The following KHDRBS2 variants were observed in gnomAD, a reference collection of about 807,000 sequenced individuals.
The protein encoded by KHDRBS2 is KH RNA binding domain containing, signal transduction associated 2.
A neutral mutation model predicts 44.3 loss-of-function variants in KHDRBS2; 26 were observed. That is an observed-to-expected ratio of 0.59 (90% CI 0.43 to 0.81). The LOEUF is 0.81. Ranked by LOEUF, KHDRBS2 falls within the 40% of genes least tolerant of loss-of-function variation. The pLI is 0.00. For synonymous variants in KHDRBS2, 194 were observed against 151.1 expected (o/e 1.28, Z -2.08); for missense variants, 476 against 433.1 (o/e 1.10, Z -0.88).
At position 62,250,614 on chromosome 6, in the gene KHDRBS2, G is replaced by A. The variant is rs181261673; in HGVS notation, c.91+35244C>T. ...AAATGTTGAAGGCTGGCTGGTATAT[G>A]TGGAGGGAGTGCTGTAGTTGGAAAA... On this transcript the variant is annotated intron_variant, in intron 1 of 8. Coordinates refer to ENST00000281156, the MANE Select transcript of KHDRBS2 (RefSeq NM_152688.4). Among the ~76,000 whole-genome samples, 226 of 152,068 alleles carry A rather than the reference G, an allele frequency of 1.5e-3. 1 individual carries two copies. Among genetic ancestry groups the A allele is most frequent in the African/African-American group, 5.3e-3 (219 of 41,518 alleles).
At chr6:61,563,786 C>G in the KHDRBS2 span, among the ~76,000 whole-genome samples, 3 of 152,152 alleles carry the variant, frequency 2.0e-5, no homozygotes, top group East Asian at 3.9e-4. Context: ...GTACATTATA[C>G]AGCGACGTTA....
At chr6:61,895,640 T>C (rs1381620797) in intron 5 of KHDRBS2, among the ~76,000 whole-genome samples, 2 of 152,210 alleles carry the variant, frequency 1.3e-5, no homozygotes, top group African/African-American at 4.8e-5. Context: ...TTTTATGGCA[T>C]TTTGAAGCCT....
At chr6:62,264,103 C>A (rs34540100) in intron 1 of KHDRBS2, among the ~76,000 whole-genome samples, 3,848 of 151,558 alleles carry the variant, frequency 0.025, 66 homozygotes, top group Middle Eastern at 0.051. Context: ...GGGTATACAG[C>A]CAAATACACA....
intron 4 of KHDRBS2, among the ~76,000 whole-genome samples, chr6:61,963,179 G>A (rs1383250428): frequency 6.6e-6 from 1 of 151,928 alleles, no homozygotes; most frequent in East Asian, 1.9e-4. Context: ...TGTTACCTGA[G>A]GCTATGTTCT....
At chr6:62,071,361 C>A (rs1034670706) in intron 2 of KHDRBS2, among the ~76,000 whole-genome samples, 29 of 151,916 alleles carry the variant, frequency 1.9e-4, no homozygotes, top group African/African-American at 6.5e-4. Flanking sequence ...TCCATTTGTC[C>A]ATTTTGGCTT....
intron 6 of KHDRBS2, among the ~76,000 whole-genome samples, chr6:61,797,937 G>T (rs1480630572): frequency 1.3e-5 from 2 of 151,812 alleles, no homozygotes; most frequent in African/African-American, 4.8e-5. Context: ...CATGTCATTG[G>T]GGTTTAGTAT....
chr6:62,253,530 T>A (rs887691712), intron 1 of KHDRBS2, among the ~76,000 whole-genome samples: 6 of 151,866 alleles, frequency 4.0e-5, no homozygotes, highest in African/African-American at 1.5e-4. Context: ...CTATCTTAGC[T>A]AAAATGCAAG....
At chr6:62,167,471 A>C (rs1337237231) in intron 2 of KHDRBS2, among the ~76,000 whole-genome samples, 1 of 152,166 alleles carries the variant, frequency 6.6e-6, no homozygotes, top group South Asian at 2.1e-4. Context: ...TACCACTGAA[A>C]ATTTCTAAAT....
At chr6:61,887,168 C>T (rs1201279822) in intron 6 of KHDRBS2, among the ~76,000 whole-genome samples, 1 of 143,890 alleles carries the variant, frequency 6.9e-6, no homozygotes, top group Non-Finnish European at 1.6e-5. Flanking sequence ...GTTTCTTTAC[C>T]TACTAAAATA....
chr6:61,644,877 A>T, the KHDRBS2 span, among the ~76,000 whole-genome samples: 2 of 152,138 alleles, frequency 1.3e-5, no homozygotes, highest in Non-Finnish European at 2.9e-5. Flanking sequence ...AATTAGTTCA[A>T]CCACTGTGGA....
At chr6:61,576,553 C>A in the KHDRBS2 span, among the ~76,000 whole-genome samples, 1 of 152,014 alleles carries the variant, frequency 6.6e-6, no homozygotes, top group South Asian at 2.1e-4. Context: ...CCTTTTATTT[C>A]TTTCTTTTGC....
rs184818587 is a variant in KHDRBS2, at chr6:62,154,079, C to A, written c.219+23106G>T. Among the ~76,000 whole-genome samples, 272 of 152,224 alleles carry A rather than the reference C, an allele frequency of 1.8e-3. 9 individuals are homozygous for A. In the South Asian group the frequency reaches 0.051, roughly 29 times the overall value. ...GGTAGTATATGATCACAGCCCTTCC[C>A]AGACAAGACAAAATGGGGAAAGCCA... On this transcript the variant is annotated intron_variant, in intron 2 of 8. Coordinates refer to ENST00000281156, the MANE Select transcript of KHDRBS2 (RefSeq NM_152688.4).
At chr6:62,052,008 A>G (rs1789178131) in intron 2 of KHDRBS2, among the ~76,000 whole-genome samples, 1 of 152,116 alleles carries the variant, frequency 6.6e-6, no homozygotes, top group Non-Finnish European at 1.5e-5. Flanking sequence ...GAGTGAGCAG[A>G]AAAGGGTATT....
intron 4 of KHDRBS2, among the ~76,000 whole-genome samples, chr6:61,915,925 G>A (rs73487397): frequency 0.01 from 1,573 of 152,060 alleles, 27 homozygotes; most frequent in African/African-American, 0.036. Context: ...GTACTGTCGT[G>A]GATATTGCTT....
chr6:61,599,231 T>C, the KHDRBS2 span, among the ~76,000 whole-genome samples: 3 of 152,132 alleles, frequency 2.0e-5, no homozygotes, highest in Non-Finnish European at 4.4e-5. Flanking sequence ...ATCTGATTTA[T>C]ACGCTCTTTT....
chr6:62,055,521 C>T (rs950175825), intron 2 of KHDRBS2, among the ~76,000 whole-genome samples: 1 of 151,934 alleles, frequency 6.6e-6, no homozygotes, highest in African/African-American at 2.4e-5. Context: ...AGTGTCTTGT[C>T]AATCTGTAAA....
At chr6:61,629,120 A>C in the KHDRBS2 span, among the ~76,000 whole-genome samples, 1 of 152,216 alleles carries the variant, frequency 6.6e-6, no homozygotes, top group African/African-American at 2.4e-5. Context: ...TTACAGAGAA[A>C]TTCATTTGCT....
intron 2 of KHDRBS2, among the ~76,000 whole-genome samples, chr6:62,109,337 G>A (rs773523237): frequency 1.3e-5 from 2 of 151,780 alleles, no homozygotes; most frequent in African/African-American, 2.4e-5. Flanking sequence ...TAGAAAAAAT[G>A]AAAATTCCTT....
intron 6 of KHDRBS2, among the ~76,000 whole-genome samples, chr6:61,886,356 A>G (rs574291575): frequency 9.9e-5 from 15 of 152,138 alleles, no homozygotes; most frequent in African/African-American, 3.4e-4. Context: ...CTTTGCTTTT[A>G]CCATCCCTTC....
Sources: gnomAD v4.1 joint callset for allele counts (sites outside exome capture counted in the v4.1 genomes callset) on GRCh38, gnomAD v4.1.1 for gene constraint, MANE v1.5 for transcripts, NCBI Gene and HGNC (gene_info 2026-07-23, HGNC 2026-07-21) for gene names.